HOXB13: variants seen among roughly 807,000 people sequenced by gnomAD.
HOXB13 encodes the protein homeobox B13.
Under a neutral mutation model 23.1 loss-of-function variants are expected in HOXB13, and 22 were observed. That is an observed-to-expected ratio of 0.95 (90% CI 0.68 to 1.36). HOXB13 has a LOEUF of 1.36. Ranked by LOEUF, HOXB13 falls within the 40% of genes most tolerant of loss-of-function variation. HOXB13 has a pLI of 0.00. For missense variants in HOXB13, 386 were observed against 376.2 expected (o/e 1.03, Z -0.22); for synonymous variants, 173 against 157.9 (o/e 1.10, Z -0.72).
At position 48,726,563 on chromosome 17, in the gene HOXB13, CTTTGGGAA is replaced by C; in HGVS notation, c.*219_*226del. ...TGAATGATTATGACTGGGCCAGGTT[CTTTGGGAA>C]CCCTGGTGGAGTGGGCTGTCACATG... is the stretch of plus-strand genomic sequence containing the variant. On this transcript the variant is annotated 3_prime_UTR_variant, in exon 2 of 2. Transcript: ENST00000290295. 3.5e-6 allele frequency: 2 copies of C among 576,060 alleles called. No individual in the cohort carries two copies. The highest frequency in any genetic ancestry group is 6.2e-6 in the Non-Finnish European group (2 of 324,666). The allele number at this position is 576,060 out of a possible 1,614,324, so 35.7% of individuals were successfully genotyped here.
chr17:48,727,277 C>G (rs1318006581), intron 1 of HOXB13, among the ~76,000 whole-genome samples: 1 of 152,208 alleles, frequency 6.6e-6, no homozygotes, highest in Non-Finnish European at 1.5e-5. Flanking sequence ...CATCACTGCT[C>G]TCACACCCGC....
intron 1 of HOXB13, 120 bp from the exon 2 acceptor site, chr17:48,727,163 G>T: frequency 3.3e-6 from 4 of 1,227,142 alleles, no homozygotes; most frequent in South Asian, 1.5e-5. Context: ...CCCTACAGGC[G>T]CACGTGCAAT....
In HOXB13 at chr17:48,726,782, G is replaced by C; in HGVS notation, c.*8C>G. 6.2e-7 allele frequency: 1 copy of C among 1,612,412 alleles called. No homozygotes were observed. The highest frequency in any genetic ancestry group is 2.2e-5 in the East Asian group (1 of 44,850). Reference sequence around the variant, plus strand: ...CTTTCGCTCCTCCCACCCAGGCAAGGAGATCTCTTAAGGGGTAGCGCTGTT... The same window carrying C: ...CTTTCGCTCCTCCCACCCAGGCAAGCAGATCTCTTAAGGGGTAGCGCTGTT... On this transcript the variant is annotated 3_prime_UTR_variant, in exon 2 of 2. Coordinates refer to ENST00000290295, the MANE Select transcript of HOXB13 (RefSeq NM_006361.6).
rs994907967 is a variant in HOXB13, at chr17:48,728,655, C to G, written c.-62G>C. The G allele has an allele frequency of 6.4e-7, 1 of 1,563,362 alleles. No homozygotes were observed. The highest frequency in any genetic ancestry group is 1.4e-5 in the African/African-American group (1 of 73,670). ...GAATCTAGGGGGCACCCAGCTCGCT[C>G]TCCCCACCCAGGCCGGGGGAATCCA... is the stretch of plus-strand genomic sequence containing the variant. On this transcript the variant is annotated 5_prime_UTR_variant, in exon 1 of 2. Transcript: ENST00000290295.
rs560597408 is a variant in HOXB13 at position 48,725,452 on chromosome 17, G to C, written c.*1338C>G. ...CCCGACCGCGGGCCATAAACACTTGGCTGCGGCGGCCGCCGCGGGGTTTCT... is the reference window on the plus strand; with the variant it reads ...CCCGACCGCGGGCCATAAACACTTGCCTGCGGCGGCCGCCGCGGGGTTTCT... On this transcript the variant is annotated 3_prime_UTR_variant, in exon 2 of 2. Transcript: ENST00000290295. 1 of 152,188 alleles carries C rather than the reference G, an allele frequency of 6.6e-6. No individual in the cohort carries two copies. The highest frequency in any genetic ancestry group is 2.4e-5 in the African/African-American group (1 of 41,442). The allele number at this position is 152,188 out of a possible 1,614,324, so 9.4% of individuals were successfully genotyped here. A position where few individuals can be genotyped will look rare whatever the true frequency, so the allele number is the denominator to read the frequency against.
At chr17:48,727,261 C>T (rs1033409787) in intron 1 of HOXB13, among the ~76,000 whole-genome samples, 5 of 152,192 alleles carry the variant, frequency 3.3e-5, no homozygotes, top group African/African-American at 1.2e-4. Context: ...GAAGGCCACC[C>T]TCACCCATCA....
rs2038189731 is a variant in HOXB13 at position 48,724,871 on chromosome 17, G to A, written c.*1919C>T. The stretch of plus-strand genomic sequence containing the variant: ...GAGCATGGGGAGTCCAGAGGTTCCA[G>A]ACCCCCAAAGGTCTCTACCAGGGCC... On this transcript the variant is annotated 3_prime_UTR_variant, in exon 2 of 2. Coordinates refer to ENST00000290295, the MANE Select transcript of HOXB13 (RefSeq NM_006361.6). The A allele has an allele frequency of 2.4e-6, 1 of 409,712 alleles. No homozygotes were observed. 25.4% of individuals were successfully genotyped at this position (409,712 alleles called of 1,614,324 possible).
At position 48,728,588 on chromosome 17, in the gene HOXB13, C is replaced by T. The variant is rs371544984; in HGVS notation, c.6G>A (p.Glu2=). 173 of 1,611,754 alleles carry T rather than the reference C, an allele frequency of 1.1e-4. No individual in the cohort carries two copies. The highest frequency in any genetic ancestry group is 1.4e-4 in the Non-Finnish European group (168 of 1,179,888). The change falls in exon 1 of 2, where the codon GAG becomes GAA. Residue 2 remains glutamate (E), a synonymous_variant. Transcript: ENST00000290295. ...CATCCAAGGTGGCATAATTGCCGGG[C>T]TCCATGGAGCCGAGGGTCGGCTCAT... is the stretch of plus-strand genomic sequence containing the variant. The part of the protein sequence containing the change: M[E]PGNYATLDGA...
chr17:48,726,598 G>A lies in HOXB13; in HGVS notation c.*192C>T. The A allele has an allele frequency of 1.6e-6, 1 of 636,326 alleles. No homozygotes were observed. Among genetic ancestry groups the A allele is most frequent in the Non-Finnish European group, 2.7e-6 (1 of 373,108 alleles). 39.4% of individuals were successfully genotyped at this position (636,326 alleles called of 1,614,324 possible). A position where few individuals can be genotyped will look rare whatever the true frequency, so the allele number is the denominator to read the frequency against. ...CCTGGTGGAGTGGGCTGTCACATGGGGTTCCGTCTCCCTGCACATACTGGG... is the reference window on the plus strand; with the variant it reads ...CCTGGTGGAGTGGGCTGTCACATGGAGTTCCGTCTCCCTGCACATACTGGG... On this transcript the variant is annotated 3_prime_UTR_variant, in exon 2 of 2. Transcript: ENST00000290295.
At position 48,726,641 on chromosome 17, in the gene HOXB13, AG is replaced by A. The variant is rs977914680; in HGVS notation, c.*148del. The A allele has an allele frequency of 6.0e-6, 6 of 995,560 alleles. No individual in the cohort carries two copies. The Admixed American group carries it at 1.1e-4, about 19-fold the overall frequency. 61.7% of individuals were successfully genotyped at this position (995,560 alleles called of 1,614,324 possible). A position where few individuals can be genotyped will look rare whatever the true frequency, so the allele number is the denominator to read the frequency against. On this transcript the variant is annotated 3_prime_UTR_variant, in exon 2 of 2. Coordinates refer to ENST00000290295, the MANE Select transcript of HOXB13 (RefSeq NM_006361.6). Reference sequence around the variant, plus strand: ...ATACTGGGTACCCAGGCCGCTCCTGAGGAACAGTCCAGCAGCCAGTGGCCTG... The same window carrying A: ...ATACTGGGTACCCAGGCCGCTCCTGAGAACAGTCCAGCAGCCAGTGGCCTG...
At position 48,728,092 on chromosome 17, in the gene HOXB13, T is replaced by C. The variant is rs1436475959; in HGVS notation, c.502A>G (p.Ser168Gly). The C allele has an allele frequency of 6.2e-7, 1 of 1,614,192 alleles. No homozygotes were observed. Among genetic ancestry groups the C allele is most frequent in the South Asian group, 1.1e-5 (1 of 91,082 alleles). Residue 168 changes from serine to glycine, a missense_variant, in exon 1 of 2, where the codon AGT becomes GGT. Transcript: ENST00000290295. ...PRHDSLLPVD[S>G]YQSWALAGGW... is the part of the protein sequence containing the mutation. ...CCAGCGAGAGCCCAAGACTGGTAAC[T>C]GTCCACAGGCAACAGGGAGTCATGT... is the stretch of plus-strand genomic sequence containing the variant.
At position 48,728,556 on chromosome 17, in the gene HOXB13, T is replaced by C; in HGVS notation, c.38A>G (p.Lys13Arg). The C allele has an allele frequency of 6.2e-7, 1 of 1,612,930 alleles. No homozygotes were observed. The highest frequency in any genetic ancestry group is 8.5e-7 in the Non-Finnish European group (1 of 1,179,956). ...PGNYATLDGA[K>R]DIEGLLGAGG... ...CGCTCCCAGCAAGCCTTCGATATCC[T>C]TGGCTCCATCCAAGGTGGCATAATT... is the stretch of plus-strand genomic sequence containing the variant. The change falls in exon 1 of 2, where the codon AAG becomes AGG. Residue 13 changes from lysine to arginine, a missense_variant. Coordinates refer to ENST00000290295, the MANE Select transcript of HOXB13 (RefSeq NM_006361.6).
Position 48,728,506 on chromosome 17 carries a change from G to A in HOXB13, c.88C>T (p.His30Tyr), listed in dbSNP as rs1597935153. The A allele has an allele frequency of 6.2e-7, 1 of 1,613,438 alleles. No homozygotes were observed. The highest frequency in any genetic ancestry group is 8.5e-7 in the Non-Finnish European group (1 of 1,179,958). Residue 30 changes from histidine (H) to tyrosine (Y), a missense_variant, in exon 1 of 2, where the codon CAC becomes TAC. Coordinates refer to ENST00000290295, the MANE Select transcript of HOXB13 (RefSeq NM_006361.6). ...GAGGGRNLVAHSPLTSHPAAP... is the reference protein window; with the variant it reads ...GAGGGRNLVAYSPLTSHPAAP... ...GCTGGGTGGCTGGTCAGAGGGGAGT[G>A]GGCGACCAGATTCCGCCCCCCTCCC...
rs1223082509 is a variant in HOXB13, at chr17:48,728,508, G to A, written c.86C>T (p.Ala29Val). Residue 29 changes from alanine to valine, a missense_variant, in exon 1 of 2, where the codon GCC becomes GTC. Physicochemically the swap from Ala to Val is moderately conservative, Grantham distance 64 (BLOSUM62 0). Transcript: ENST00000290295. ...LGAGGGRNLV[A>V]HSPLTSHPAA... Reference sequence around the variant, plus strand: ...TGGGTGGCTGGTCAGAGGGGAGTGGGCGACCAGATTCCGCCCCCCTCCCGC... The same window carrying A: ...TGGGTGGCTGGTCAGAGGGGAGTGGACGACCAGATTCCGCCCCCCTCCCGC... 2 of 1,613,478 alleles carry A rather than the reference G, an allele frequency of 1.2e-6. No individual in the cohort carries two copies. Among genetic ancestry groups the A allele is most frequent in the African/African-American group, 2.7e-5 (2 of 75,062 alleles).
chr17:48,727,902 C>T, intron 1 of HOXB13, 91 bp downstream of exon 1: 1 of 1,464,540 alleles, frequency 6.8e-7, no homozygotes, highest in Non-Finnish European at 9.2e-7. Context: ...CTCACCAGCT[C>T]CAAGTCTCCC....
chr17:48,727,135 A>C, intron 1 of HOXB13, 92 bp from the exon 2 acceptor site: 20 of 1,446,202 alleles, frequency 1.4e-5, no homozygotes, highest in South Asian at 2.5e-5. Context: ...AAGTCATCTC[A>C]CAGGTGCACA....
In HOXB13 at chr17:48,726,642, G is replaced by A. The variant is rs900423192; in HGVS notation, c.*148C>T. 4.9e-6 allele frequency: 5 copies of A among 1,011,166 alleles called. No homozygotes were observed. The highest frequency in any genetic ancestry group is 7.1e-6 in the Non-Finnish European group (5 of 704,178). The allele number at this position is 1,011,166 out of a possible 1,614,324, so 62.6% of individuals were successfully genotyped here. A position where few individuals can be genotyped will look rare whatever the true frequency, so the allele number is the denominator to read the frequency against. Reference sequence around the variant, plus strand: ...TACTGGGTACCCAGGCCGCTCCTGAGGAACAGTCCAGCAGCCAGTGGCCTG... The same window carrying A: ...TACTGGGTACCCAGGCCGCTCCTGAAGAACAGTCCAGCAGCCAGTGGCCTG... On this transcript the variant is annotated 3_prime_UTR_variant, in exon 2 of 2. Transcript: ENST00000290295.
chr17:48,726,672 G>A lies in HOXB13; in HGVS notation c.*118C>T, dbSNP rs2038212433. 7.8e-7 allele frequency: 1 copy of A among 1,274,410 alleles called. No individual in the cohort carries two copies. The highest frequency in any genetic ancestry group is 1.5e-5 in the African/African-American group (1 of 66,648). 78.9% of individuals were successfully genotyped at this position (1,274,410 alleles called of 1,614,324 possible). A position where few individuals can be genotyped will look rare whatever the true frequency, so the allele number is the denominator to read the frequency against. On this transcript the variant is annotated 3_prime_UTR_variant, in exon 2 of 2. Transcript: ENST00000290295. The stretch of plus-strand genomic sequence containing the variant: ...AGTCCAGCAGCCAGTGGCCTGGGAA[G>A]GGTGTTGTCTCTAGGGGCCTCTCAG...
Position 48,725,930 on chromosome 17 carries a change from T to A in HOXB13, c.*860A>T, listed in dbSNP as rs1256057509. ...CACTCCGTTTGTGCCTGGGAAGGGC[T>A]AAGTATGCAAGGCTACAAACATCTA... On this transcript the variant is annotated 3_prime_UTR_variant, in exon 2 of 2. Coordinates refer to ENST00000290295, the MANE Select transcript of HOXB13 (RefSeq NM_006361.6). The A allele has an allele frequency of 6.6e-6, 1 of 152,238 alleles. No homozygotes were observed. Among genetic ancestry groups the A allele is most frequent in the Admixed American group, 6.5e-5 (1 of 15,280 alleles). The allele number at this position is 152,238 out of a possible 1,614,324, so 9.4% of individuals were successfully genotyped here.
Sources: gnomAD v4.1 joint callset for allele counts (sites outside exome capture counted in the v4.1 genomes callset) on GRCh38, gnomAD v4.1.1 for gene constraint, MANE v1.5 for transcripts, NCBI Gene and HGNC (gene_info 2026-07-23, HGNC 2026-07-21) for gene names.